Variants in DCC observed in about 807,000 individuals in gnomAD.
DCC encodes the protein DCC netrin 1 receptor, also known as netrin receptor DCC.
A neutral mutation model predicts 172.5 loss-of-function variants in DCC; 58 were observed. The observed-to-expected ratio is 0.34, with a 90% CI of 0.27 to 0.42. DCC has a LOEUF of 0.42. DCC is among the 10% of genes least tolerant of loss of function. The pLI, the probability that DCC is intolerant of heterozygous loss-of-function variation, is 1.00. For missense variants in DCC, 1,740 were observed against 1,791.0 expected (o/e 0.97, Z 0.51); for synonymous variants, 709 against 644.5 (o/e 1.10, Z -1.52).
chr18:52,570,990 G>C (rs1361542127), intron 1 of DCC, among the ~76,000 whole-genome samples: 2 of 152,130 alleles, frequency 1.3e-5, no homozygotes, highest in Non-Finnish European at 2.9e-5. Context: ...ATAGGATAAG[G>C]AAATCTATAT....
At chr18:52,836,924 C>A (rs77394401) in intron 2 of DCC, among the ~76,000 whole-genome samples, 1 of 152,202 alleles carries the variant, frequency 6.6e-6, no homozygotes, top group Non-Finnish European at 1.5e-5. Flanking sequence ...CCTGAACATC[C>A]AGGTGTCTCC....
chr18:53,500,874 C>T (rs893818522), intron 27 of DCC, among the ~76,000 whole-genome samples: 1 of 152,014 alleles, frequency 6.6e-6, no homozygotes, highest in African/African-American at 2.4e-5. Context: ...ATTGCCCAAG[C>T]CCCTCTCTCC....
At chr18:52,739,339 G>T (rs763124721) in intron 1 of DCC, among the ~76,000 whole-genome samples, 1 of 151,866 alleles carries the variant, frequency 6.6e-6, no homozygotes, top group Admixed American at 6.6e-5. Flanking sequence ...CAAATTATTC[G>T]TTTTTGTCTA....
intron 1 of DCC, among the ~76,000 whole-genome samples, chr18:52,541,580 A>G (rs551391336): frequency 6.6e-6 from 1 of 152,222 alleles, no homozygotes; most frequent in South Asian, 2.1e-4. Flanking sequence ...TGGACAGATA[A>G]GCACAAGCAT....
chr18:52,782,494 T>G (rs2037564744), intron 2 of DCC, among the ~76,000 whole-genome samples: 1 of 152,074 alleles, frequency 6.6e-6, no homozygotes, highest in Non-Finnish European at 1.5e-5. Flanking sequence ...CTTCTGACTC[T>G]GCACACTCTA....
At chr18:53,516,472 C>G (rs1422089688) in intron 27 of DCC, among the ~76,000 whole-genome samples, 1 of 147,672 alleles carries the variant, frequency 6.8e-6, no homozygotes, top group Non-Finnish European at 1.5e-5. Flanking sequence ...AACTAAAGAG[C>G]TTCTGCACAG....
At chr18:53,395,343 A>G (rs933000810) in intron 17 of DCC, among the ~76,000 whole-genome samples, 3 of 152,188 alleles carry the variant, frequency 2.0e-5, no homozygotes, top group African/African-American at 4.8e-5. Context: ...CTAGAACACA[A>G]AGACGATCTT....
chr18:52,820,881 C>A (rs193068246), intron 2 of DCC, among the ~76,000 whole-genome samples: 249 of 152,270 alleles, frequency 1.6e-3, no homozygotes, highest in Middle Eastern at 3.4e-3. Flanking sequence ...CTTCCAAAAT[C>A]TTTTTGTTAG....
In DCC at chr18:52,926,852, CGT is replaced by C. The variant is rs552898076; in HGVS notation, c.985+1491_985+1492del. 5.3e-3 allele frequency among the ~76,000 whole-genome samples: 759 copies of C among 142,962 alleles called. 5 individuals carry two copies. Among genetic ancestry groups the C allele is most frequent in the African/African-American group, 0.018 (694 of 39,124 alleles). 93.8% of individuals were successfully genotyped at this position (142,962 alleles called of 152,430 possible). A position where few individuals can be genotyped will look rare whatever the true frequency, so the allele number is the denominator to read the frequency against. On this transcript the variant is annotated intron_variant, in intron 5 of 28. Coordinates refer to ENST00000442544, the MANE Select transcript of DCC (RefSeq NM_005215.4). ...ATATACATACACACACACACATATA[CGT>C]GTGTGTGTATATATACATATACATA...
intron 1 of DCC, among the ~76,000 whole-genome samples, chr18:52,348,742 C>A (rs1436045749): frequency 6.6e-6 from 1 of 152,124 alleles, no homozygotes; most frequent in Admixed American, 6.6e-5. Context: ...GAAGTTGTCG[C>A]CTAATACTTT....
At chr18:52,551,372 A>G (rs942897777) in intron 1 of DCC, among the ~76,000 whole-genome samples, 17 of 152,042 alleles carry the variant, frequency 1.1e-4, no homozygotes, top group African/African-American at 4.1e-4. Context: ...ATAGTAAAGC[A>G]TTTAAGAAGA....
intron 5 of DCC, among the ~76,000 whole-genome samples, chr18:52,946,289 G>C (rs1014325313): frequency 1.3e-5 from 2 of 152,186 alleles, no homozygotes; most frequent in African/African-American, 4.8e-5. Flanking sequence ...TGTAATTCCA[G>C]TGCTTATTAG....
At chr18:52,575,913 T>C (rs2033398481) in intron 1 of DCC, among the ~76,000 whole-genome samples, 1 of 152,176 alleles carries the variant, frequency 6.6e-6, no homozygotes, top group Non-Finnish European at 1.5e-5. Context: ...AGAATGTTTC[T>C]AGCAATAAAT....
At chr18:52,828,064 T>C (rs16955607) in intron 2 of DCC, among the ~76,000 whole-genome samples, 15,946 of 152,092 alleles carry the variant, frequency 0.1, 1,675 homozygotes, top group East Asian at 0.61. Context: ...TCTAGTATGA[T>C]CTTGTATAAA....
intron 1 of DCC, among the ~76,000 whole-genome samples, chr18:52,606,466 C>T (rs749836945): frequency 1.3e-5 from 2 of 152,040 alleles, no homozygotes; most frequent in Non-Finnish European, 1.5e-5. Flanking sequence ...AAAGAAAACA[C>T]ATAAACATAC....
At chr18:53,107,798 G>A (rs1248831517) in intron 7 of DCC, among the ~76,000 whole-genome samples, 1 of 151,834 alleles carries the variant, frequency 6.6e-6, no homozygotes, top group East Asian at 1.9e-4. Context: ...TAGACTTAGA[G>A]GACAATAATC....
intron 1 of DCC, among the ~76,000 whole-genome samples, chr18:52,393,274 T>C (rs1202079377): frequency 6.6e-6 from 1 of 152,094 alleles, no homozygotes; most frequent in African/African-American, 2.4e-5. Flanking sequence ...CCATACGGAA[T>C]CTCATGGAAT....
At chr18:52,474,869 G>A (rs980947241) in intron 1 of DCC, among the ~76,000 whole-genome samples, 2 of 152,074 alleles carry the variant, frequency 1.3e-5, no homozygotes. Flanking sequence ...CCCCAACACC[G>A]GTTATCTTTA....
At chr18:52,382,832 G>A (rs970045622) in intron 1 of DCC, among the ~76,000 whole-genome samples, 1 of 151,998 alleles carries the variant, frequency 6.6e-6, no homozygotes, top group African/African-American at 2.4e-5. Flanking sequence ...TAATACTCAG[G>A]TGCCTGTGTA....
Sources: allele counts gnomAD v4.1 joint callset (sites outside exome capture counted in the v4.1 genomes callset), GRCh38; gene constraint gnomAD v4.1.1; transcripts MANE v1.5; gene names NCBI Gene and HGNC (gene_info 2026-07-23, HGNC 2026-07-21).